GTF3C1: variants seen among roughly 807,000 people sequenced by gnomAD.
The protein encoded by GTF3C1 is general transcription factor 3C polypeptide 1.
A neutral mutation model predicts 226.7 loss-of-function variants in GTF3C1; 57 were observed. The ratio of observed to expected loss-of-function variants is 0.25; its 90% CI spans 0.20 to 0.31. The LOEUF is 0.31. Among genes scored for constraint, GTF3C1 ranks in the 10% least tolerant of loss-of-function variants. GTF3C1 has a pLI of 1.00. For missense variants in GTF3C1, 2,217 were observed against 2,776.1 expected (o/e 0.80, Z 4.53); for synonymous variants, 1,090 against 1,084.8 (o/e 1.00, Z -0.09).
Position 27,497,521 on chromosome 16 carries a change from C to T in GTF3C1, c.2350+116G>A, listed in dbSNP as rs1005284796. On this transcript the variant is annotated intron_variant, in intron 14 of 36. Coordinates refer to ENST00000356183, the MANE Select transcript of GTF3C1 (RefSeq NM_001520.4). Reference sequence around the variant, plus strand: ...AACAGGATCCAGCCCACAGCTCAGACGCGATTCTTCTGACTGCGGCTCGGA... The same window carrying T: ...AACAGGATCCAGCCCACAGCTCAGATGCGATTCTTCTGACTGCGGCTCGGA... The T allele has an allele frequency of 4.9e-5, 38 of 772,258 alleles. No homozygotes were observed. In the Middle Eastern group the frequency reaches 1.2e-3, roughly 24 times the overall value. The allele number at this position is 772,258 out of a possible 1,614,324, so 47.8% of individuals were successfully genotyped here. A position where few individuals can be genotyped will look rare whatever the true frequency, so the allele number is the denominator to read the frequency against.
intron 15 of GTF3C1, 132 bp downstream of exon 15, chr16:27,495,079 T>A: frequency 1.2e-6 from 1 of 852,814 alleles, no homozygotes; most frequent in Non-Finnish European, 1.9e-6. Flanking sequence ...GTTCAGGAAG[T>A]GTGGATTATG....
intron 6 of GTF3C1, among the ~76,000 whole-genome samples, chr16:27,527,311 A>G (rs1256125581): frequency 2.0e-5 from 3 of 152,212 alleles, no homozygotes; most frequent in Non-Finnish European, 4.4e-5. Flanking sequence ...CCTCCTGAGT[A>G]GCTGGGATTA....
rs1435684693 is a variant in GTF3C1, at chr16:27,461,415, A to C, written c.6265T>G (p.Cys2089Gly). The C allele has an allele frequency of 1.9e-6, 3 of 1,614,042 alleles. No individual in the cohort carries two copies. The highest frequency in any genetic ancestry group is 2.5e-6 in the Non-Finnish European group (3 of 1,179,938). Residue 2089 changes from cysteine to glycine, a missense_variant, in exon 37 of 37, where the codon TGT (cysteine) becomes GGT (glycine). Cys to Gly is a radical substitution (Grantham distance 159). Coordinates refer to ENST00000356183, the MANE Select transcript of GTF3C1 (RefSeq NM_001520.4). This position sits in a 1 kb window ranked among gnomAD's most constrained non-coding sequence, Gnocchi z 5.3. The stretch of plus-strand genomic sequence containing the variant: ...AACACACGGCCCAGCCGGAGGGTAC[A>C]GTCCAAGGTGGGCTCATAGAAAGCC... Reference protein sequence around the residue: ...PMAFYEPTLDCTLRLGRVFPH... With the variant: ...PMAFYEPTLDGTLRLGRVFPH...
At chr16:27,474,720 T>C (rs1422078885) in intron 29 of GTF3C1, among the ~76,000 whole-genome samples, 1 of 152,056 alleles carries the variant, frequency 6.6e-6, no homozygotes, top group Non-Finnish European at 1.5e-5. Context: ...TTTGCTTTCA[T>C]CTACAAAATG....
chr16:27,529,874 A>G (rs1467042020), intron 5 of GTF3C1, among the ~76,000 whole-genome samples: 1 of 152,192 alleles, frequency 6.6e-6, no homozygotes, highest in African/African-American at 2.4e-5. Flanking sequence ...GCCATTTATC[A>G]CCATTTTTGT....
intron 6 of GTF3C1, among the ~76,000 whole-genome samples, chr16:27,517,926 C>T (rs539176798): frequency 1.1e-3 from 162 of 152,288 alleles, no homozygotes; most frequent in Non-Finnish European, 1.9e-3. Flanking sequence ...AAGCACGATT[C>T]ATAGTAAAGG....
chr16:27,528,673 C>T lies in GTF3C1; in HGVS notation c.898G>A (p.Ala300Thr), dbSNP rs374777549. Residue 300 changes from alanine (A) to threonine (T), a missense_variant, in exon 6 of 37, where the codon GCC becomes ACC. By Grantham distance (58) the Ala-to-Thr change is moderately conservative. Around this residue, in one of 12 missense-constraint regions of GTF3C1, gnomAD observed 163 missense variants for 234.3 expected, o/e 0.70. Coordinates refer to ENST00000356183, the MANE Select transcript of GTF3C1 (RefSeq NM_001520.4). ...AGAGACACCACCTTGGCTAGCCCGG[C>T]GTTCAGCATATACTGGTACAGACGC... Reference protein sequence around the residue: ...FKRLYQYMLNAGLAKVVSLRL... With the variant: ...FKRLYQYMLNTGLAKVVSLRL... 9 of 1,612,550 alleles carry T rather than the reference C, an allele frequency of 5.6e-6. No homozygotes were observed. The highest frequency in any genetic ancestry group is 1.7e-5 in the Admixed American group (1 of 59,994).
chr16:27,480,255 G>C (rs185242460), intron 27 of GTF3C1, among the ~76,000 whole-genome samples: 1 of 151,248 alleles, frequency 6.6e-6, no homozygotes, highest in Non-Finnish European at 1.5e-5. Context: ...AGAATATGTG[G>C]AGATATAAAT....
chr16:27,505,653 A>T (rs1485779008), intron 10 of GTF3C1, among the ~76,000 whole-genome samples: 1 of 152,250 alleles, frequency 6.6e-6, no homozygotes, highest in Non-Finnish European at 1.5e-5. Flanking sequence ...GAAAAGAATA[A>T]GCTGTTGGAA....
chr16:27,548,592 C>A (rs1359851396), intron 1 of GTF3C1, among the ~76,000 whole-genome samples: 1 of 152,116 alleles, frequency 6.6e-6, no homozygotes, highest in African/African-American at 2.4e-5. Context: ...CCTCTTGGAA[C>A]CTCCCCTGAC....
Position 27,462,432 on chromosome 16 carries a change from G to A in GTF3C1, c.5979C>T (p.His1993=), listed in dbSNP as rs560418087. Residue 1993 remains histidine (H), a synonymous_variant, in exon 36 of 37, where the codon CAC becomes CAT. Transcript: ENST00000356183. This position sits in a 1 kb window ranked among gnomAD's most constrained non-coding sequence, Gnocchi z 4.5. ...IGRPWRVVDG[H]LNLPVCKGMM... Reference sequence around the variant, plus strand: ...TACCCTTGCATACAGGAAGGTTCAGGTGGCCATCCACGACACGCCACGGCC... The same window carrying A: ...TACCCTTGCATACAGGAAGGTTCAGATGGCCATCCACGACACGCCACGGCC... 1 of 1,613,588 alleles carries A rather than the reference G, an allele frequency of 6.2e-7. No individual in the cohort carries two copies.
intron 6 of GTF3C1, among the ~76,000 whole-genome samples, chr16:27,522,112 CTTTA>C (rs1567408816): frequency 1.3e-5 from 2 of 152,160 alleles, no homozygotes; most frequent in Admixed American, 6.5e-5. Context: ...ATTTTAATAG[CTTTA>C]TTGAGATATA....
At chr16:27,529,572 C>G (rs1179021945) in intron 5 of GTF3C1, among the ~76,000 whole-genome samples, 1 of 152,168 alleles carries the variant, frequency 6.6e-6, no homozygotes, top group African/African-American at 2.4e-5. Flanking sequence ...GGAACATCTC[C>G]CCTGCAGGGG....
intron 6 of GTF3C1, among the ~76,000 whole-genome samples, chr16:27,512,839 G>A (rs934736172): frequency 2.0e-5 from 3 of 152,168 alleles, no homozygotes; most frequent in Non-Finnish European, 4.4e-5. Context: ...GGAACCAGAG[G>A]GGTTGAATAA....
Position 27,470,757 on chromosome 16 carries a change from C to A in GTF3C1, c.4527-362G>T. The A allele has an allele frequency of 3.9e-6, 1 of 253,674 alleles. No homozygotes were observed. The highest frequency in any genetic ancestry group is 5.5e-5 in the South Asian group (1 of 18,112). The allele number at this position is 253,674 out of a possible 1,614,324, so 15.7% of individuals were successfully genotyped here. ...GCTTTCTGTAATAATAGTCTCCGCA[C>A]AAAGCCAGCCCTGGTCTTACACATG... On this transcript the variant is annotated intron_variant, in intron 30 of 36. Coordinates refer to ENST00000356183, the MANE Select transcript of GTF3C1 (RefSeq NM_001520.4). This position sits in a 1 kb window ranked among gnomAD's most constrained non-coding sequence, Gnocchi z 4.9.
intron 23 of GTF3C1, among the ~76,000 whole-genome samples, chr16:27,486,676 A>G (rs1200941767): frequency 6.6e-6 from 1 of 152,228 alleles, no homozygotes; most frequent in Non-Finnish European, 1.5e-5. Context: ...TAAAACATCC[A>G]GCACACAGTG....
chr16:27,480,989 G>T, intron 27 of GTF3C1, 90 bp downstream of exon 27: 2 of 1,033,726 alleles, frequency 1.9e-6, no homozygotes, highest in Non-Finnish European at 3.0e-6. Flanking sequence ...GGTGCTGTGC[G>T]CTTCCCGGAC....
chr16:27,539,749 C>T (rs1386743496), intron 2 of GTF3C1, among the ~76,000 whole-genome samples: 1 of 152,146 alleles, frequency 6.6e-6, no homozygotes, highest in Non-Finnish European at 1.5e-5. Context: ...GTTCTGCCCT[C>T]TTGAATACAT....
intron 6 of GTF3C1, among the ~76,000 whole-genome samples, chr16:27,515,151 G>C (rs568619907): frequency 3.3e-5 from 5 of 152,166 alleles, no homozygotes; most frequent in Non-Finnish European, 7.4e-5. Context: ...AGTCTTCAAA[G>C]CTTCTGATCT....
Sources: gnomAD v4.1 joint callset for allele counts (sites outside exome capture counted in the v4.1 genomes callset) on GRCh38, gnomAD v4.1.1 for gene constraint, gnomAD v4.1.1 regional missense constraint, Gnocchi (gnomAD v3.1) non-coding constraint, MANE v1.5 for transcripts, NCBI Gene and HGNC (gene_info 2026-07-23, HGNC 2026-07-21) for gene names.